Variants in NOX4 observed in about 807,000 individuals in gnomAD.
NOX4 encodes the protein kidney oxidase-1.
Under a neutral mutation model 87.6 loss-of-function variants are expected in NOX4, and 69 were observed. That is an observed-to-expected ratio of 0.79 (90% CI 0.65 to 0.96). NOX4 has a LOEUF of 0.96. NOX4 is among the 40% of genes least tolerant of loss of function. NOX4 has a pLI of 0.00. For synonymous variants in NOX4, 275 were observed against 238.2 expected, an observed-to-expected ratio of 1.15 and a Z score of -1.42; for missense variants, 680 against 681.5, an observed-to-expected ratio of 1.00 and a Z score of 0.02.
chr11:89,563,686 C>T, the NOX4 span, among the ~76,000 whole-genome samples: 1 of 152,232 alleles, frequency 6.6e-6, no homozygotes, highest in Non-Finnish European at 1.5e-5. Flanking sequence ...GCTTTCACCT[C>T]CAAATTTTGA....
At chr11:89,330,150 C>A (rs1339577383) in intron 17 of NOX4, among the ~76,000 whole-genome samples, 2 of 151,870 alleles carry the variant, frequency 1.3e-5, no homozygotes, top group Non-Finnish European at 2.9e-5. Flanking sequence ...ATTCAAAGTA[C>A]CAGCCTGGCC....
chr11:89,422,988 T>TG (rs1943167303), intron 7 of NOX4, among the ~76,000 whole-genome samples: 2 of 151,782 alleles, frequency 1.3e-5, no homozygotes, highest in African/African-American at 4.8e-5. Flanking sequence ...TTGGTAGAGA[T>TG]GGGGTTTCAC....
chr11:89,468,971 C>T (rs764793132), intron 2 of NOX4, among the ~76,000 whole-genome samples: 20 of 152,116 alleles, frequency 1.3e-4, no homozygotes, highest in Non-Finnish European at 2.6e-4. Context: ...CTCAAGTGAT[C>T]CTCCAGCCTC....
the NOX4 span, among the ~76,000 whole-genome samples, chr11:89,523,559 C>T: frequency 5.3e-5 from 8 of 152,190 alleles, no homozygotes; most frequent in Non-Finnish European, 1.2e-4. Context: ...TGGACCTACT[C>T]TGTTTTTCTT....
chr11:89,543,075 G>A, the NOX4 span, among the ~76,000 whole-genome samples: 1 of 152,094 alleles, frequency 6.6e-6, no homozygotes, highest in African/African-American at 2.4e-5. Flanking sequence ...AAATAAGATA[G>A]GAAAGCTATG....
At chr11:89,327,998 A>G (rs529417917) in intron 17 of NOX4, among the ~76,000 whole-genome samples, 1 of 152,260 alleles carries the variant, frequency 6.6e-6, no homozygotes, top group South Asian at 2.1e-4. Flanking sequence ...AAGCACCGTC[A>G]CTCTCTTTGC....
intron 13 of NOX4, among the ~76,000 whole-genome samples, chr11:89,352,814 A>AT (rs1937663164): frequency 6.6e-6 from 1 of 152,030 alleles, no homozygotes; most frequent in Admixed American, 6.6e-5. Flanking sequence ...TCTGTTTGTC[A>AT]TTTTTTGTTT....
At chr11:89,332,679 C>T (rs1945526223) in intron 17 of NOX4, among the ~76,000 whole-genome samples, 1 of 151,822 alleles carries the variant, frequency 6.6e-6, no homozygotes, top group Non-Finnish European at 1.5e-5. Flanking sequence ...ATAAGATTGC[C>T]ACTCTTTATC....
intron 2 of NOX4, among the ~76,000 whole-genome samples, chr11:89,458,125 A>T (rs944597757): frequency 1.3e-5 from 2 of 152,230 alleles, no homozygotes; most frequent in Admixed American, 1.3e-4. Context: ...AAAAGAACAA[A>T]GCTGGAGGCC....
chr11:89,389,494 T>C (rs771063963), intron 11 of NOX4, among the ~76,000 whole-genome samples: 3 of 152,164 alleles, frequency 2.0e-5, no homozygotes, highest in Non-Finnish European at 2.9e-5. Context: ...GCACAGTATA[T>C]GAAAATAAGT....
At chr11:89,586,288 G>A in the NOX4 span, among the ~76,000 whole-genome samples, 1 of 152,108 alleles carries the variant, frequency 6.6e-6, no homozygotes, top group East Asian at 1.9e-4. Context: ...AATAGTAGCA[G>A]TCAGAATTTA....
chr11:89,465,645 T>A (rs1250596629), intron 2 of NOX4, among the ~76,000 whole-genome samples: 1 of 152,144 alleles, frequency 6.6e-6, no homozygotes, highest in Non-Finnish European at 1.5e-5. Context: ...GCATCTGTTG[T>A]TTCCTGACTT....
At chr11:89,569,076 A>G in the NOX4 span, among the ~76,000 whole-genome samples, 1 of 152,174 alleles carries the variant, frequency 6.6e-6, no homozygotes, top group South Asian at 2.1e-4. Flanking sequence ...TGAGGGCTAA[A>G]GACTTAAATG....
chr11:89,507,702 T>C, the NOX4 span, among the ~76,000 whole-genome samples: 1 of 151,924 alleles, frequency 6.6e-6, no homozygotes, highest in Non-Finnish European at 1.5e-5. Context: ...ATTATGGTTA[T>C]TTTCATTGAC....
At chr11:89,554,201 T>C in the NOX4 span, among the ~76,000 whole-genome samples, 1 of 152,076 alleles carries the variant, frequency 6.6e-6, no homozygotes, top group Non-Finnish European at 1.5e-5. Context: ...AACATGGATC[T>C]AGCGTTTTAA....
rs1367738644 is a variant in NOX4, at chr11:89,384,230, T to C, written c.1075-10738A>G. ...ACCCCTCTACAACCCATTATTCTGT[T>C]TTGGATCTCAAACATGCTTTCTTTA... On this transcript the variant is annotated intron_variant, in intron 11 of 17. Coordinates refer to ENST00000263317, the MANE Select transcript of NOX4 (RefSeq NM_016931.5). Among the ~76,000 whole-genome samples, 3 of 152,106 alleles carry C rather than the reference T, an allele frequency of 2.0e-5. 1 individual carries two copies. Among genetic ancestry groups the C allele is most frequent in the African/African-American group, 7.2e-5 (3 of 41,414 alleles).
At chr11:89,523,516 T>A in the NOX4 span, among the ~76,000 whole-genome samples, 1 of 152,216 alleles carries the variant, frequency 6.6e-6, no homozygotes. Flanking sequence ...AGAAGATACA[T>A]AACCAGGCTT....
At position 89,397,643 on chromosome 11, in the gene NOX4, A is replaced by T. The variant is rs559907496; in HGVS notation, c.1074+2374T>A. 2.6e-5 allele frequency among the ~76,000 whole-genome samples: 4 copies of T among 152,304 alleles called. No individual in the cohort carries two copies. The South Asian group carries it at 8.3e-4, about 32-fold the overall frequency. On this transcript the variant is annotated intron_variant, in intron 11 of 17. Transcript: ENST00000263317. ...AATAATAAAAGGGATATGACCACTG[A>T]TCCCACAGAAATACAAACTACCATC...
At chr11:89,398,923 C>A (rs11018602) in intron 11 of NOX4, among the ~76,000 whole-genome samples, 1 of 151,448 alleles carries the variant, frequency 6.6e-6, no homozygotes, top group Non-Finnish European at 1.5e-5. Flanking sequence ...GTGAAAGGAG[C>A]CAGTTACAAA....
Sources: gnomAD v4.1 joint callset for allele counts (sites outside exome capture counted in the v4.1 genomes callset) on GRCh38, gnomAD v4.1.1 for gene constraint, MANE v1.5 for transcripts, NCBI Gene and HGNC (gene_info 2026-07-23, HGNC 2026-07-21) for gene names.